PEX7: variants seen among roughly 807,000 people sequenced by gnomAD.
PEX7 encodes peroxisomal biogenesis factor 7.
In PEX7, 34 loss-of-function variants were observed where a neutral mutation model predicts 47.5. That is an observed-to-expected ratio of 0.72 (90% CI 0.54 to 0.95). The LOEUF (loss-of-function observed/expected upper bound fraction) is 0.95. Ranked by LOEUF, PEX7 falls within the 40% of genes least tolerant of loss-of-function variation. The pLI is 0.00. For missense variants in PEX7, 394 were observed against 400.3 expected (o/e 0.98, Z 0.13); for synonymous variants, 141 against 148.8 (o/e 0.95, Z 0.38).
intron 2 of PEX7, 69 bp downstream of exon 2, chr6:136,825,340 C>A: frequency 8.0e-7 from 1 of 1,256,310 alleles, no homozygotes; most frequent in Non-Finnish European, 1.2e-6. Flanking sequence ...TAGGTTTTGA[C>A]TCTTTGATTA....
chr6:136,871,929 G>C (rs1335600234), intron 7 of PEX7, among the ~76,000 whole-genome samples: 1 of 152,048 alleles, frequency 6.6e-6, no homozygotes, highest in Non-Finnish European at 1.5e-5. Context: ...AACATTTTGG[G>C]AATATTTTAT....
In PEX7 at chr6:136,872,247, C is replaced by G. The variant is rs1452611618; in HGVS notation, c.797C>G (p.Thr266Ser). 3.1e-6 allele frequency: 5 copies of G among 1,599,998 alleles called. No individual in the cohort carries two copies. Among genetic ancestry groups the G allele is most frequent in the Non-Finnish European group, 4.3e-6 (5 of 1,172,790 alleles). Residue 266 changes from threonine (T) to serine (S), a missense_variant, in exon 8 of 10, where the codon ACT becomes AGT. Physicochemically the swap from Thr to Ser is moderately conservative, Grantham distance 58. Transcript: ENST00000318471. Reference sequence around the variant, plus strand: ...CTGGCCTCTTGCTCGTATGATTTTACTGTAAGGTACAGTGGTTTTTAATAC... The same window carrying G: ...CTGGCCTCTTGCTCGTATGATTTTAGTGTAAGGTACAGTGGTTTTTAATAC... ...SVLASCSYDF[T>S]VRFWNFSKPD...
At chr6:136,868,169 T>C (rs1225325257) in intron 6 of PEX7, among the ~76,000 whole-genome samples, 1 of 152,214 alleles carries the variant, frequency 6.6e-6, no homozygotes, top group Admixed American at 6.5e-5. Context: ...AGCCTGGGTG[T>C]GTACTAGGCT....
Position 136,866,746 on chromosome 6 carries a change from GCTCTATC to G in PEX7, c.633+16_633+22del. Reference sequence around the variant, plus strand: ...TAAATACAATGAGGTATAGTGTATGGCTCTATCCTATGCTGCTGTCCTTCCTAATGTT... The same window carrying G: ...TAAATACAATGAGGTATAGTGTATGGCTATGCTGCTGTCCTTCCTAATGTT... On this transcript the variant is annotated intron_variant, in intron 6 of 9. Transcript: ENST00000318471. 2 of 1,575,386 alleles carry G rather than the reference GCTCTATC, an allele frequency of 1.3e-6. No homozygotes were observed. The highest frequency in any genetic ancestry group is 4.5e-5 in the East Asian group (2 of 44,632).
intron 3 of PEX7, among the ~76,000 whole-genome samples, chr6:136,829,083 ACAGT>A (rs1408704356): frequency 1.3e-5 from 2 of 152,208 alleles, no homozygotes; most frequent in Non-Finnish European, 2.9e-5. Context: ...AATGGCTTCA[ACAGT>A]CAGAGTTTAC....
At chr6:136,880,099 A>C (rs1017179608) in intron 8 of PEX7, among the ~76,000 whole-genome samples, 8 of 150,496 alleles carry the variant, frequency 5.3e-5, no homozygotes, top group African/African-American at 2.0e-4. Context: ...TCAGTTTAGA[A>C]TATGTTACGG....
chr6:136,858,252 AAGTAAG>A (rs1406787659), intron 5 of PEX7, among the ~76,000 whole-genome samples: 1 of 152,230 alleles, frequency 6.6e-6, no homozygotes. Context: ...CCTTATGGAC[AAGTAAG>A]AGGAAATGGG....
At chr6:136,866,808 T>G in intron 6 of PEX7, 75 bp downstream of exon 6, 2 of 1,290,228 alleles carry the variant, frequency 1.6e-6, no homozygotes, top group East Asian at 5.0e-5. Context: ...TTGTCTTTGT[T>G]TATGTGGACT....
intron 8 of PEX7, among the ~76,000 whole-genome samples, chr6:136,876,586 G>A (rs1280544909): frequency 2.0e-5 from 3 of 152,024 alleles, no homozygotes; most frequent in Admixed American, 6.6e-5. Flanking sequence ...GAGAACACGC[G>A]GTGTTCGGTT....
chr6:136,905,194 T>C (rs896334732), intron 9 of PEX7, among the ~76,000 whole-genome samples: 2 of 152,198 alleles, frequency 1.3e-5, no homozygotes, highest in Non-Finnish European at 2.9e-5. Context: ...CCAAAAGGTT[T>C]GCATTTTATC....
At chr6:136,831,230 A>G (rs567426056) in intron 3 of PEX7, among the ~76,000 whole-genome samples, 1 of 152,220 alleles carries the variant, frequency 6.6e-6, no homozygotes, top group East Asian at 1.9e-4. Flanking sequence ...GAAGTAGATA[A>G]CCTTCTTCAC....
At chr6:136,905,418 C>T (rs1775830058) in intron 9 of PEX7, among the ~76,000 whole-genome samples, 1 of 151,522 alleles carries the variant, frequency 6.6e-6, no homozygotes, top group African/African-American at 2.4e-5. Flanking sequence ...AAATTGACCT[C>T]TTGCTTTTAG....
At chr6:136,844,497 G>A (rs1047071035) in intron 3 of PEX7, among the ~76,000 whole-genome samples, 3 of 152,028 alleles carry the variant, frequency 2.0e-5, no homozygotes, top group African/African-American at 2.4e-5. Flanking sequence ...ATTTTCTTGT[G>A]TGTGAGATAA....
chr6:136,837,356 T>A, intron 3 of PEX7, among the ~76,000 whole-genome samples: 1 of 24,136 alleles, frequency 4.1e-5, no homozygotes, highest in African/African-American at 3.0e-4. Flanking sequence ...AGTGAGAGTC[T>A]GTCACAAAAA....
intron 9 of PEX7, among the ~76,000 whole-genome samples, chr6:136,899,080 C>CTTTTTTTT (rs71547049): frequency 1.0e-3 from 115 of 111,972 alleles, no homozygotes; most frequent in Non-Finnish European, 1.6e-3. Context: ...TTTTTCTTTT[C>CTTTTTTTT]TTTTTTTTTT....
intron 5 of PEX7, among the ~76,000 whole-genome samples, chr6:136,848,835 G>T (rs958193723): frequency 6.6e-6 from 1 of 152,078 alleles, no homozygotes; most frequent in African/African-American, 2.4e-5. Flanking sequence ...GTCTCTACCA[G>T]GCTTTGGTAT....
At chr6:136,867,910 T>C (rs1775103259) in intron 6 of PEX7, among the ~76,000 whole-genome samples, 1 of 152,258 alleles carries the variant, frequency 6.6e-6, no homozygotes, top group Admixed American at 6.5e-5. Context: ...TACAGTAATG[T>C]TCTAGGCCTT....
At chr6:136,830,371 A>C (rs1774272522) in intron 3 of PEX7, 1 of 227,400 alleles carries the variant, frequency 4.4e-6, no homozygotes, top group African/African-American at 2.3e-5. Flanking sequence ...TCAATTTTCA[A>C]GTTGTCAGAT....
intron 8 of PEX7, among the ~76,000 whole-genome samples, chr6:136,877,274 C>T (rs1488337849): frequency 6.6e-6 from 1 of 151,976 alleles, no homozygotes; most frequent in Non-Finnish European, 1.5e-5. Context: ...TGCCTGTTCA[C>T]TCTGATGATA....
Sources: gnomAD v4.1 joint callset for allele counts (sites outside exome capture counted in the v4.1 genomes callset) on GRCh38, gnomAD v4.1.1 for gene constraint, MANE v1.5 for transcripts, NCBI Gene and HGNC (gene_info 2026-07-23, HGNC 2026-07-21) for gene names.